Variants in JAK1 observed in about 807,000 individuals in gnomAD.
The protein encoded by JAK1 is tyrosine-protein kinase JAK1.
In JAK1, 16 loss-of-function variants were observed where a neutral mutation model predicts 136.6. That is an observed-to-expected ratio of 0.12 (90% CI 0.08 to 0.18). The LOEUF is 0.18. JAK1 is among the 10% of genes least tolerant of loss of function. The pLI is 1.00. For missense variants in JAK1, 859 were observed against 1,450.1 expected (o/e 0.59, Z 6.62); for synonymous variants, 492 against 519.5 (o/e 0.95, Z 0.72).
At chr1:64,888,504 G>C (rs1644886119) in intron 1 of JAK1, among the ~76,000 whole-genome samples, 1 of 152,146 alleles carries the variant, frequency 6.6e-6, no homozygotes, top group Non-Finnish European at 1.5e-5. Flanking sequence ...TTTTTAATAT[G>C]CACTATCAGA....
rs1655870940 is a variant in JAK1, at chr1:64,855,522, C to A, written c.1635G>T (p.Gln545His). The A allele has an allele frequency of 6.2e-7, 1 of 1,613,904 alleles. No homozygotes were observed. Among genetic ancestry groups the A allele is most frequent in the Non-Finnish European group, 8.5e-7 (1 of 1,179,886 alleles). Residue 545 changes from glutamine to histidine, a missense_variant, in exon 11 of 25, where the codon CAG becomes CAT. Around this residue, in one of 4 missense-constraint regions of JAK1, gnomAD observed 409 missense variants for 753.8 expected, o/e 0.54. Transcript: ENST00000342505. ...AGGGAGACGAACCTCGGGGCTTGGG[C>A]TGGCAGCAGCGTTTTAGCATGAAGC... ...NISFMLKRCC[Q>H]PKPREISNLL... is the part of the protein sequence containing the mutation.
At chr1:64,966,712 C>T (rs1646391119), upstream of JAK1, among the ~76,000 whole-genome samples, 1 of 150,294 alleles carries the variant, frequency 6.7e-6, no homozygotes, top group South Asian at 2.1e-4. Flanking sequence ...CCGCCCCCAT[C>T]CGGCTTCGCT....
At chr1:64,857,607 G>A (rs1656021158) in intron 10 of JAK1, 49 bp downstream of exon 10, 1 of 1,609,556 alleles carries the variant, frequency 6.2e-7, no homozygotes, top group African/African-American at 1.3e-5. Flanking sequence ...AGGCTACACT[G>A]GACACCTCAT....
rs188693730 is a variant in JAK1 at position 64,939,001 on chromosome 1, G to A, written c.-78+27332C>T. ...TTTCTTTTCTTTTCTCTTGAGACAG[G>A]GTCTCACTTTGTTGTCCAGGCTGGA... On this transcript the variant is annotated intron_variant, in intron 1 of 24. Coordinates refer to ENST00000342505, the MANE Select transcript of JAK1 (RefSeq NM_002227.4). Among the ~76,000 whole-genome samples the A allele has an allele frequency of 3.4e-3, 513 of 152,106 alleles. 2 individuals carry two copies. The highest frequency in any genetic ancestry group is 6.8e-3 in the Middle Eastern group (2 of 294).
chr1:64,912,392 T>A (rs1302623050), intron 1 of JAK1, among the ~76,000 whole-genome samples: 2 of 152,216 alleles, frequency 1.3e-5, no homozygotes, highest in Non-Finnish European at 2.9e-5. Context: ...TCCTCTACAG[T>A]GCAGTAGCAT....
chr1:64,857,055 G>C (rs1361076714), intron 10 of JAK1, among the ~76,000 whole-genome samples: 1 of 152,198 alleles, frequency 6.6e-6, no homozygotes, highest in Non-Finnish European at 1.5e-5. Flanking sequence ...GTGAGGCAAA[G>C]TCAGTAATTC....
intron 1 of JAK1, among the ~76,000 whole-genome samples, chr1:64,910,571 C>T (rs999866081): frequency 3.9e-5 from 6 of 152,230 alleles, no homozygotes; most frequent in African/African-American, 1.2e-4. Context: ...TGGTGGCTCA[C>T]GCCTGGAATC....
At chr1:64,952,253 C>T (rs1396003560) in intron 1 of JAK1, among the ~76,000 whole-genome samples, 1 of 152,084 alleles carries the variant, frequency 6.6e-6, no homozygotes, top group Non-Finnish European at 1.5e-5. Context: ...TGCCTAGAGG[C>T]CTTATTAAGG....
chr1:65,039,246 C>T (rs1647106520), intron 2 of JAK1, among the ~76,000 whole-genome samples: 1 of 152,186 alleles, frequency 6.6e-6, no homozygotes, highest in Admixed American at 6.5e-5. Context: ...ATGCCAGTTG[C>T]TCTCTTTGTT....
chr1:65,055,676 A>G (rs1569961972), intron 1 of JAK1, among the ~76,000 whole-genome samples: 1 of 152,196 alleles, frequency 6.6e-6, no homozygotes, highest in Admixed American at 6.5e-5. Context: ...GTCTTGCATC[A>G]CTTCTCTCTT....
chr1:64,990,223 G>C (rs1373328291), intron 2 of JAK1: 2 of 152,168 alleles, frequency 1.3e-5, no homozygotes, highest in African/African-American at 2.4e-5. Flanking sequence ...CAGGAGAATT[G>C]CTTGAACCTG....
chr1:65,030,589 G>A (rs1647014104), intron 2 of JAK1, among the ~76,000 whole-genome samples: 2 of 151,692 alleles, frequency 1.3e-5, no homozygotes, highest in African/African-American at 4.9e-5. Flanking sequence ...CTGGAGTGCA[G>A]TGGTGCGATC....
Position 64,909,375 on chromosome 1 carries a change from G to A in JAK1, c.-77-23034C>T, listed in dbSNP as rs1023791325. 3.9e-5 allele frequency among the ~76,000 whole-genome samples: 6 copies of A among 152,242 alleles called. No individual in the cohort carries two copies. The East Asian group carries it at 7.7e-4, about 20-fold the overall frequency. On this transcript the variant is annotated intron_variant, in intron 1 of 24. Transcript: ENST00000342505. ...CGTTTAGTAGAGGGGAGCAGATGATGTGGAAAGGAAACTAGCTTGTGATCA... is the reference window on the plus strand; with the variant it reads ...CGTTTAGTAGAGGGGAGCAGATGATATGGAAAGGAAACTAGCTTGTGATCA...
At chr1:64,920,449 C>T (rs888587946) in intron 1 of JAK1, among the ~76,000 whole-genome samples, 13 of 152,268 alleles carry the variant, frequency 8.5e-5, no homozygotes, top group Admixed American at 5.2e-4. Flanking sequence ...CTGAGAACTA[C>T]ACGAGAATTG....
At chr1:65,051,002 T>C (rs1647269267) in intron 1 of JAK1, among the ~76,000 whole-genome samples, 1 of 152,184 alleles carries the variant, frequency 6.6e-6, no homozygotes, top group Non-Finnish European at 1.5e-5. Flanking sequence ...TTGACTCATC[T>C]CAAGCAAATA....
intron 1 of JAK1, among the ~76,000 whole-genome samples, chr1:65,059,093 A>G (rs1647677357): frequency 1.3e-5 from 2 of 152,092 alleles, no homozygotes; most frequent in African/African-American, 4.8e-5. Flanking sequence ...TTAATTCATC[A>G]AAAAAGGATT....
rs538759208 is a variant in JAK1, at chr1:64,840,594, T to G, written c.2649+651A>C. Among the ~76,000 whole-genome samples the G allele has an allele frequency of 2.0e-5, 3 of 152,180 alleles. No homozygotes were observed. In the East Asian group the frequency reaches 5.8e-4, roughly 29 times the overall value. On this transcript the variant is annotated intron_variant, in intron 19 of 24. Coordinates refer to ENST00000342505, the MANE Select transcript of JAK1 (RefSeq NM_002227.4). ...GGCTTATGCCTATAATCCCAGCACT[T>G]TGGGAGGCCTCCTTGCTTGAGGCCA...
intron 14 of JAK1, 112 bp from the exon 15 acceptor site, chr1:64,845,752 G>T: frequency 7.6e-7 from 1 of 1,312,866 alleles, no homozygotes; most frequent in South Asian, 1.2e-5. Flanking sequence ...AGAGTACACA[G>T]ATATCCTTGG....
chr1:64,885,709 A>T lies in JAK1; in HGVS notation c.6+550T>A, dbSNP rs193079734. 2.1e-3 allele frequency among the ~76,000 whole-genome samples: 324 copies of T among 151,550 alleles called. 1 individual carries two copies. Among genetic ancestry groups the T allele is most frequent in the Non-Finnish European group, 4.1e-3 (275 of 67,810 alleles). On this transcript the variant is annotated intron_variant, in intron 2 of 24. Transcript: ENST00000342505. ...GCGGAGGTTGCCGCGAGCCGAGATC[A>T]CACCACTGCACTCCAGCCTGGTGAC...
Sources: allele counts gnomAD v4.1 joint callset (sites outside exome capture counted in the v4.1 genomes callset), GRCh38; gene constraint gnomAD v4.1.1; regional missense constraint gnomAD v4.1.1; transcripts MANE v1.5; gene names NCBI Gene and HGNC (gene_info 2026-07-23, HGNC 2026-07-21).